The following MEGF11 variants were observed in gnomAD, a reference collection of about 807,000 sequenced individuals.
The protein encoded by MEGF11 is multiple epidermal growth factor-like domains protein 11.
Under a neutral mutation model 146.6 loss-of-function variants are expected in MEGF11, and 126 were observed. The observed-to-expected ratio is 0.86, with a 90% confidence interval of 0.74 to 1.00. MEGF11 has a LOEUF of 1.00. Ranked by LOEUF, MEGF11 falls within the 50% of genes least tolerant of loss-of-function variation. The probability of loss-of-function intolerance (pLI) is 0.00; values close to 1 mark genes in which losing one functional copy is unlikely to be tolerated. For synonymous variants in MEGF11, 532 were observed against 583.4 expected, an observed-to-expected ratio of 0.91 and a Z score of 1.27; for missense variants, 1,509 against 1,521.2, an observed-to-expected ratio of 0.99 and a Z score of 0.13.
At chr15:65,996,995 G>T (rs915848238) in intron 5 of MEGF11, among the ~76,000 whole-genome samples, 1 of 152,150 alleles carries the variant, frequency 6.6e-6, no homozygotes, top group Non-Finnish European at 1.5e-5. Flanking sequence ...CCCACCTATC[G>T]GTGGGAAGCA....
intron 1 of MEGF11, among the ~76,000 whole-genome samples, chr15:66,186,762 A>T (rs2090716922): frequency 6.6e-6 from 1 of 152,250 alleles, no homozygotes; most frequent in Non-Finnish European, 1.5e-5. Flanking sequence ...GATGGTCTAG[A>T]CAGGTTTTCT....
chr15:66,118,349 T>C (rs1235974359), intron 4 of MEGF11, among the ~76,000 whole-genome samples: 2 of 152,188 alleles, frequency 1.3e-5, no homozygotes, highest in Non-Finnish European at 2.9e-5. Context: ...ATCTACAGGC[T>C]CCTGCTCCGG....
At chr15:66,034,801 G>A (rs1456736478) in intron 5 of MEGF11, among the ~76,000 whole-genome samples, 2 of 151,074 alleles carry the variant, frequency 1.3e-5, no homozygotes, top group Non-Finnish European at 2.9e-5. Flanking sequence ...ATTAATGAGT[G>A]TTCTGCCCTC....
chr15:66,032,641 G>A (rs1321651669), intron 5 of MEGF11, among the ~76,000 whole-genome samples: 1 of 152,240 alleles, frequency 6.6e-6, no homozygotes, highest in Non-Finnish European at 1.5e-5. Context: ...TTGTTATAAA[G>A]TAGCAAAGAA....
intron 7 of MEGF11, among the ~76,000 whole-genome samples, chr15:65,973,674 TC>T (rs1466654935): frequency 1.3e-5 from 2 of 152,216 alleles, no homozygotes; most frequent in Middle Eastern, 3.4e-3. Context: ...GTAATATAAC[TC>T]CACTGGGAGG....
intron 1 of MEGF11, among the ~76,000 whole-genome samples, chr15:66,214,030 CTTT>C (rs11303068): frequency 7.6e-5 from 7 of 92,330 alleles, no homozygotes; most frequent in African/African-American, 1.5e-4. Flanking sequence ...GAGCCGGCCA[CTTT>C]TTTTTTTTTT....
intron 10 of MEGF11, among the ~76,000 whole-genome samples, chr15:65,954,832 A>C (rs1255847339): frequency 6.6e-6 from 1 of 152,176 alleles, no homozygotes; most frequent in African/African-American, 2.4e-5. Flanking sequence ...TGTTCTGAGG[A>C]GAAATGAGTA....
At chr15:66,088,224 C>G (rs1239630257) in intron 5 of MEGF11, among the ~76,000 whole-genome samples, 1 of 152,216 alleles carries the variant, frequency 6.6e-6, no homozygotes, top group Admixed American at 6.5e-5. Flanking sequence ...CAGACAGAGT[C>G]ACAGCTGAAT....
At chr15:65,919,056 G>A (rs141161719) in intron 15 of MEGF11, among the ~76,000 whole-genome samples, 1,638 of 152,242 alleles carry the variant, frequency 0.011, 24 homozygotes, top group African/African-American at 0.037. Flanking sequence ...CTTCCCCAGG[G>A]CCCAGGTCTC....
rs558523435 is a variant in MEGF11 at position 66,003,205 on chromosome 15, G to C, written c.395-20717C>G. ...GACAGGGTTTCACCATATTGGCCAG[G>C]CTGGTCTCAAACTCCTGATGTCAAG... On this transcript the variant is annotated intron_variant, in intron 5 of 25. Coordinates refer to ENST00000395614, the MANE Select transcript of MEGF11 (RefSeq NM_001385028.1). 7.2e-5 allele frequency among the ~76,000 whole-genome samples: 11 copies of C among 152,154 alleles called. No individual in the cohort carries two copies. The South Asian group carries it at 2.3e-3, about 32-fold the overall frequency.
chr15:66,100,318 C>G (rs1301392178), intron 4 of MEGF11, among the ~76,000 whole-genome samples: 1 of 152,196 alleles, frequency 6.6e-6, no homozygotes, highest in East Asian at 1.9e-4. Context: ...CCTGACCCTT[C>G]CCCTAAAGAG....
At chr15:66,168,366 T>C (rs1182464767) in intron 1 of MEGF11, among the ~76,000 whole-genome samples, 1 of 152,142 alleles carries the variant, frequency 6.6e-6, no homozygotes, top group East Asian at 1.9e-4. Flanking sequence ...GCCTGCCCAC[T>C]GGACACTGTG....
At chr15:66,162,836 G>A (rs1490188355) in intron 1 of MEGF11, among the ~76,000 whole-genome samples, 4 of 151,874 alleles carry the variant, frequency 2.6e-5, no homozygotes, top group Admixed American at 6.6e-5. Context: ...AAATTTTTTC[G>A]AGGAAAAGAA....
intron 1 of MEGF11, among the ~76,000 whole-genome samples, chr15:66,250,633 T>TG (rs2092357335): frequency 6.6e-6 from 1 of 152,120 alleles, no homozygotes; most frequent in African/African-American, 2.4e-5. Flanking sequence ...AAGGGCTGGG[T>TG]GCGGTGGCTC....
At chr15:66,222,578 G>T (rs1318003427) in intron 1 of MEGF11, among the ~76,000 whole-genome samples, 2 of 152,202 alleles carry the variant, frequency 1.3e-5, no homozygotes, top group African/African-American at 4.8e-5. Context: ...CAAGGACCGG[G>T]TCTCATTCAT....
intron 1 of MEGF11, among the ~76,000 whole-genome samples, chr15:66,187,509 C>T (rs2090741535): frequency 6.6e-6 from 1 of 152,200 alleles, no homozygotes; most frequent in Admixed American, 6.5e-5. Context: ...CCAGGAACCA[C>T]CAGGAGAGAG....
chr15:65,983,629 G>C (rs11638943), intron 5 of MEGF11, among the ~76,000 whole-genome samples: 28,232 of 152,136 alleles, frequency 0.19, 2,856 homozygotes, highest in Non-Finnish European at 0.23. Flanking sequence ...CACTTGTCTG[G>C]CTAATAGGGT....
chr15:65,945,856 G>A (rs868407196), intron 10 of MEGF11, among the ~76,000 whole-genome samples: 3 of 152,280 alleles, frequency 2.0e-5, no homozygotes, highest in East Asian at 3.9e-4. Context: ...GGGTTTACCC[G>A]CAGCTCACAG....
At chr15:66,234,135 G>A (rs2092036271) in intron 1 of MEGF11, among the ~76,000 whole-genome samples, 1 of 151,948 alleles carries the variant, frequency 6.6e-6, no homozygotes, top group Non-Finnish European at 1.5e-5. Context: ...CTGACCTCAA[G>A]TGATCCATCC....
Sources: allele counts gnomAD v4.1 joint callset (sites outside exome capture counted in the v4.1 genomes callset), GRCh38; gene constraint gnomAD v4.1.1; transcripts MANE v1.5; gene names NCBI Gene and HGNC (gene_info 2026-07-23, HGNC 2026-07-21).